P2RY10: variants seen among roughly 807,000 people sequenced by gnomAD.
P2RY10 encodes the protein putative P2Y purinoceptor 10.
A neutral mutation model predicts 12.1 loss-of-function variants in P2RY10; 4 were observed. The observed-to-expected ratio is 0.33, with a 90% confidence interval of 0.16 to 0.76. The LOEUF (loss-of-function observed/expected upper bound fraction) is 0.76. Among genes scored for constraint, P2RY10 ranks in the 30% least tolerant of loss-of-function variants. The pLI is 0.61. For synonymous variants in P2RY10, 112 were observed against 94.1 expected, an observed-to-expected ratio of 1.19 and a Z score of -1.10; for missense variants, 233 against 264.6, an observed-to-expected ratio of 0.88 and a Z score of 0.83.
chrX:78,947,562 A>G (rs1030099611), intron 1 of P2RY10, among the ~76,000 whole-genome samples: 3 of 111,727 alleles, frequency 2.7e-5, no homozygotes, highest in African/African-American at 9.8e-5. Flanking sequence ...GAGTTATTTC[A>G]TTTCTGTGCA....
chrX:78,959,495 T>C (rs769880469), intron 3 of P2RY10, among the ~76,000 whole-genome samples: 12 of 111,649 alleles, frequency 1.1e-4, no homozygotes, highest in Non-Finnish European at 2.1e-4. Context: ...TACTCTACTC[T>C]CTCTATACCT....
chrX:78,950,706 C>A (rs1393838944), intron 2 of P2RY10, among the ~76,000 whole-genome samples: 1 of 111,606 alleles, frequency 9.0e-6, no homozygotes, highest in African/African-American at 3.3e-5. Context: ...GAACTAGAAC[C>A]GAAAACAATA....
chrX:78,957,895 C>T (rs1009262116), intron 3 of P2RY10, among the ~76,000 whole-genome samples: 4 of 112,437 alleles, frequency 3.6e-5, no homozygotes, highest in South Asian at 3.7e-4. Flanking sequence ...GTAAGTGAAA[C>T]TTTCTGCACC....
intron 1 of P2RY10, among the ~76,000 whole-genome samples, chrX:78,946,028 C>A (rs1921818578): frequency 9.0e-6 from 1 of 111,624 alleles, no homozygotes; most frequent in Non-Finnish European, 1.9e-5. Context: ...ATCCAAATCC[C>A]TCACAATACA....
chrX:78,957,387 C>CACACACACACACACAG (rs760263078), intron 3 of P2RY10, among the ~76,000 whole-genome samples: 18 of 75,802 alleles, frequency 2.4e-4, no homozygotes, highest in Non-Finnish European at 4.4e-4. Context: ...CACACACACA[C>CACACACACACACACAG]AGAGAGAGAG....
Position 78,960,831 on chromosome X carries a change from C to G in P2RY10, c.311C>G (p.Ala104Gly). Residue 104 changes from alanine to glycine, a missense_variant, in exon 4 of 4, where the codon GCC (alanine) becomes GGC (glycine). Ala to Gly is a moderately conservative substitution (Grantham distance 60, BLOSUM62 0). Coordinates refer to ENST00000171757, the MANE Select transcript of P2RY10 (RefSeq NM_014499.4). ...YISHHWPFQR[A>G]LCLLCFYLKY... Reference sequence around the variant, plus strand: ...AGCCACCACTGGCCTTTCCAGAGAGCCCTTTGCCTGCTCTGCTTCTACCTG... The same window carrying G: ...AGCCACCACTGGCCTTTCCAGAGAGGCCTTTGCCTGCTCTGCTTCTACCTG... 1 of 1,210,420 alleles carries G rather than the reference C, an allele frequency of 8.3e-7. No homozygotes were observed. Among genetic ancestry groups the G allele is most frequent in the African/African-American group, 1.7e-5 (1 of 57,857 alleles).
chrX:78,961,368 C>T lies in P2RY10; in HGVS notation c.848C>T (p.Ala283Val). 2.5e-6 allele frequency: 3 copies of T among 1,211,375 alleles called. No individual in the cohort carries two copies. Among genetic ancestry groups the T allele is most frequent in the Non-Finnish European group, 3.4e-6 (3 of 895,275 alleles). ...AGCAGTTGTCCCGTTGTCCGAATCG[C>T]ACTGTATTTCCACCCTTTTTGCCTG... is the stretch of plus-strand genomic sequence containing the variant. Reference protein sequence around the residue: ...IISSCPVVRIALYFHPFCLCL... With the variant: ...IISSCPVVRIVLYFHPFCLCL... Residue 283 changes from alanine (A) to valine (V), a missense_variant, in exon 4 of 4, where the codon GCA becomes GTA. Coordinates refer to ENST00000171757, the MANE Select transcript of P2RY10 (RefSeq NM_014499.4).
chrX:78,949,385 G>T (rs2742208), intron 2 of P2RY10, among the ~76,000 whole-genome samples: 9,237 of 111,481 alleles, frequency 0.083, 1,112 homozygotes, highest in East Asian at 0.79. Flanking sequence ...TTTCTTTAAT[G>T]CTCAAAACAA....
Position 78,960,607 on chromosome X carries a change from T to A in P2RY10, c.87T>A (p.Asn29Lys). 1.7e-6 allele frequency: 2 copies of A among 1,205,436 alleles called. No individual in the cohort carries two copies. Among genetic ancestry groups the A allele is most frequent in the Non-Finnish European group, 2.2e-6 (2 of 889,661 alleles). Residue 29 changes from asparagine to lysine, a missense_variant, in exon 4 of 4, where the codon AAT becomes AAA. By Grantham distance (94) the Asn-to-Lys change is moderately conservative. Coordinates refer to ENST00000171757, the MANE Select transcript of P2RY10 (RefSeq NM_014499.4). ...CTGAGATTTACTGTAATGTCACTAA[T>A]GTGAAATTTCAATACTCCCTCTATG... ...STAEIYCNVTNVKFQYSLYAT... is the reference protein window; with the variant it reads ...STAEIYCNVTKVKFQYSLYAT...
intron 1 of P2RY10, among the ~76,000 whole-genome samples, chrX:78,947,478 A>T (rs1054244399): frequency 2.7e-5 from 3 of 112,278 alleles, no homozygotes; most frequent in Non-Finnish European, 5.6e-5. Flanking sequence ...GATCAAATAG[A>T]TAGATCAATA....
intron 2 of P2RY10, among the ~76,000 whole-genome samples, chrX:78,950,542 G>A: frequency 9.0e-6 from 1 of 111,350 alleles, no homozygotes; most frequent in Non-Finnish European, 1.9e-5. Flanking sequence ...CTGTTGTAAA[G>A]AAATTGTTCC....
At chrX:78,958,838 G>A (rs755768503) in intron 3 of P2RY10, among the ~76,000 whole-genome samples, 2 of 111,592 alleles carry the variant, frequency 1.8e-5, no homozygotes, top group South Asian at 3.7e-4. Context: ...TAGAATGGGG[G>A]AAAGCAAAAG....
chrX:78,955,066 A>C (rs1922275410), intron 3 of P2RY10, among the ~76,000 whole-genome samples: 2 of 112,174 alleles, frequency 1.8e-5, no homozygotes, highest in South Asian at 7.5e-4. Flanking sequence ...AGTTTACCTC[A>C]CATTTCCTAA....
At chrX:78,958,458 G>A (rs1922450160) in intron 3 of P2RY10, among the ~76,000 whole-genome samples, 1 of 111,859 alleles carries the variant, frequency 8.9e-6, no homozygotes, top group Admixed American at 9.5e-5. Context: ...GTGGCATAGT[G>A]GAAATACCAC....
chrX:78,947,066 T>G (rs1484706167), intron 1 of P2RY10, among the ~76,000 whole-genome samples: 1 of 110,212 alleles, frequency 9.1e-6, no homozygotes, highest in Non-Finnish European at 1.9e-5. Flanking sequence ...AATACAGAAA[T>G]TAGCTGGTTG....
At chrX:78,949,340 G>A (rs1921998303) in intron 2 of P2RY10, among the ~76,000 whole-genome samples, 1 of 111,971 alleles carries the variant, frequency 8.9e-6, no homozygotes, top group Non-Finnish European at 1.9e-5. Flanking sequence ...TCTGTGGGTT[G>A]TCTGTTTACT....
chrX:78,957,387 C>CACACACACACACACACACACACACAG (rs760263078), intron 3 of P2RY10, among the ~76,000 whole-genome samples: 6 of 75,811 alleles, frequency 7.9e-5, no homozygotes, highest in African/African-American at 1.9e-4. Flanking sequence ...CACACACACA[C>CACACACACACACACACACACACACAG]AGAGAGAGAG....
At chrX:78,958,970 A>T (rs1409478829) in intron 3 of P2RY10, among the ~76,000 whole-genome samples, 2 of 111,675 alleles carry the variant, frequency 1.8e-5, no homozygotes, top group Non-Finnish European at 3.8e-5. Context: ...TATGACAGGA[A>T]GCCATTCTGC....
At chrX:78,960,029 T>A (rs2147272865) in intron 3 of P2RY10, among the ~76,000 whole-genome samples, 2 of 109,720 alleles carry the variant, frequency 1.8e-5, no homozygotes, top group East Asian at 5.7e-4. Context: ...AGTGATGGGG[T>A]TCCAAGATAA....
Sources: gnomAD v4.1 joint callset for allele counts (sites outside exome capture counted in the v4.1 genomes callset) on GRCh38, gnomAD v4.1.1 for gene constraint, MANE v1.5 for transcripts, NCBI Gene and HGNC (gene_info 2026-07-23, HGNC 2026-07-21) for gene names.